The following FGD6 variants were observed in gnomAD, a reference collection of about 807,000 sequenced individuals.
FGD6 encodes FYVE, RhoGEF and PH domain-containing protein 6.
In FGD6, 90 loss-of-function variants were observed where a neutral mutation model predicts 149.4. The ratio of observed to expected loss-of-function variants is 0.60; its 90% confidence interval spans 0.51 to 0.72. FGD6 has a LOEUF of 0.72. Ranked by LOEUF, FGD6 falls within the 30% of genes least tolerant of loss-of-function variation. The probability of loss-of-function intolerance (pLI) is 0.00; values close to 1 mark genes in which losing one functional copy is unlikely to be tolerated. For synonymous variants in FGD6, 527 were observed against 584.0 expected, an observed-to-expected ratio of 0.90 and a Z score of 1.41; for missense variants, 1,437 against 1,684.8, an observed-to-expected ratio of 0.85 and a Z score of 2.57.
intron 8 of FGD6, among the ~76,000 whole-genome samples, chr12:95,129,992 G>C (rs1446082919): frequency 6.6e-6 from 1 of 151,976 alleles, no homozygotes; most frequent in Non-Finnish European, 1.5e-5. Context: ...TAAATATTTA[G>C]GCTTAAATTA....
chr12:95,152,508 T>C (rs1019643645), intron 5 of FGD6, among the ~76,000 whole-genome samples: 1 of 152,176 alleles, frequency 6.6e-6, no homozygotes, highest in Non-Finnish European at 1.5e-5. Context: ...AAAAACACTT[T>C]TGGACAATGA....
intron 1 of FGD6, among the ~76,000 whole-genome samples, chr12:95,216,888 T>G (rs1465411296): frequency 6.6e-6 from 1 of 152,162 alleles, no homozygotes; most frequent in Non-Finnish European, 1.5e-5. Context: ...AACTTGGGAA[T>G]CTACACTATT....
chr12:95,174,892 A>G (rs1267425399), intron 2 of FGD6, among the ~76,000 whole-genome samples: 1 of 133,030 alleles, frequency 7.5e-6, no homozygotes, highest in Non-Finnish European at 1.5e-5. Context: ...GCACCACTGC[A>G]CTCCAGCCTG....
intron 5 of FGD6, among the ~76,000 whole-genome samples, chr12:95,145,609 G>A (rs554259617): frequency 1.3e-5 from 2 of 152,142 alleles, no homozygotes; most frequent in East Asian, 1.9e-4. Flanking sequence ...CCACTTGCCC[G>A]TAATATATTT....
intron 14 of FGD6, among the ~76,000 whole-genome samples, chr12:95,101,388 T>C (rs938984208): frequency 2.0e-5 from 3 of 152,038 alleles, no homozygotes; most frequent in African/African-American, 7.2e-5. Context: ...TCAGAGCTGT[T>C]CATTACACCT....
Position 95,158,328 on chromosome 12 carries a change from C to T in FGD6, c.2587-5335G>A, listed in dbSNP as rs557203175. Among the ~76,000 whole-genome samples, 243 of 150,580 alleles carry T rather than the reference C, an allele frequency of 1.6e-3. 1 individual carries two copies. Among genetic ancestry groups the T allele is most frequent in the Non-Finnish European group, 2.5e-3 (172 of 67,768 alleles). On this transcript the variant is annotated intron_variant, in intron 3 of 20. Coordinates refer to ENST00000343958, the MANE Select transcript of FGD6 (RefSeq NM_018351.4). ...GACTACAGGTGTGTGCCACCATGCA[C>T]GGCTAATTTTTTTTTTTTTTGTATT...
Position 95,209,961 on chromosome 12 carries a change from G to T in FGD6, c.1323C>A (p.Asp441Glu), listed in dbSNP as rs140384705. Residue 441 changes from aspartate (D) to glutamate (E), a missense_variant, in exon 2 of 21, where the codon GAC (aspartate) becomes GAA (glutamate). Physicochemically the swap from Asp to Glu is conservative, Grantham distance 45. Coordinates refer to ENST00000343958, the MANE Select transcript of FGD6 (RefSeq NM_018351.4). ...VDGSSMSLAV[D>E]EGTGFIRCTV... ...TACATCTTATAAAACCGGTCCCTTC[G>T]TCCACAGCAAGCGACATACTAGAAC... The T allele has an allele frequency of 6.2e-7, 1 of 1,611,746 alleles. No homozygotes were observed. Among genetic ancestry groups the T allele is most frequent in the African/African-American group, 1.3e-5 (1 of 74,720 alleles).
chr12:95,212,006 T>C (rs1592880992), intron 1 of FGD6, among the ~76,000 whole-genome samples: 1 of 152,178 alleles, frequency 6.6e-6, no homozygotes, highest in South Asian at 2.1e-4. Context: ...TCTACCTCGA[T>C]AGATAGAACC....
intron 14 of FGD6, among the ~76,000 whole-genome samples, chr12:95,104,506 C>T (rs1306444017): frequency 6.6e-6 from 1 of 151,616 alleles, no homozygotes; most frequent in Admixed American, 6.6e-5. Flanking sequence ...GTGGGATCTT[C>T]GCTCACTGCA....
chr12:95,217,011 T>C (rs935677318), intron 1 of FGD6, among the ~76,000 whole-genome samples: 1 of 152,144 alleles, frequency 6.6e-6, no homozygotes, highest in Non-Finnish European at 1.5e-5. Context: ...GGAAGGGAGA[T>C]CCCGAGAAAT....
intron 3 of FGD6, among the ~76,000 whole-genome samples, chr12:95,161,561 C>T (rs1209938291): frequency 6.6e-6 from 1 of 152,170 alleles, no homozygotes; most frequent in Non-Finnish European, 1.5e-5. Flanking sequence ...ATCTATGCTC[C>T]AGGCTTGTAG....
At chr12:95,203,534 C>T (rs2056674023) in intron 2 of FGD6, among the ~76,000 whole-genome samples, 1 of 152,150 alleles carries the variant, frequency 6.6e-6, no homozygotes, top group Admixed American at 6.5e-5. Context: ...CTTTAATACC[C>T]TATTCAGGGT....
At position 95,183,031 on chromosome 12, in the gene FGD6, C is replaced by T. The variant is rs748797205; in HGVS notation, c.2442-10287G>A. Among the ~76,000 whole-genome samples, 3 of 152,254 alleles carry T rather than the reference C, an allele frequency of 2.0e-5. 1 individual carries two copies. The highest frequency in any genetic ancestry group is 4.1e-4 in the South Asian group (2 of 4,832). ...AATATGACTACTCCGCCTGGCCACGCTATGCTCTTGATTGTGAGTCAGCAC... is the reference window on the plus strand; with the variant it reads ...AATATGACTACTCCGCCTGGCCACGTTATGCTCTTGATTGTGAGTCAGCAC... On this transcript the variant is annotated intron_variant, in intron 2 of 20. Coordinates refer to ENST00000343958, the MANE Select transcript of FGD6 (RefSeq NM_018351.4).
rs1877983584 is a variant in FGD6, at chr12:95,089,570, T to G, written c.3977A>C (p.Glu1326Ala). The change falls in exon 18 of 21, where the codon GAA (glutamate) becomes GCA (alanine). Residue 1326 changes from glutamate (E) to alanine (A), a missense_variant and splice_region_variant. This residue lies in a region of FGD6 where 382 missense variants were observed against 538.7 expected (regional missense o/e 0.71). Transcript: ENST00000343958. ...TGCAAATTTAATGGAAACACTTACT[T>G]CTTTGAGAGCAGCTGGGATTTTTTT... ...KQKKIPAALK[E>A]VSANTEDSSM... is the part of the protein sequence containing the mutation. 6.2e-7 allele frequency: 1 copy of G among 1,613,334 alleles called. No individual in the cohort carries two copies. Among genetic ancestry groups the G allele is most frequent in the Admixed American group, 1.7e-5 (1 of 59,952 alleles).
At chr12:95,146,223 C>G (rs1320088352) in intron 5 of FGD6, among the ~76,000 whole-genome samples, 1 of 152,190 alleles carries the variant, frequency 6.6e-6, no homozygotes, top group Non-Finnish European at 1.5e-5. Context: ...CTCAGCTCTT[C>G]ACGAACCTCA....
rs1321245064 is a variant in FGD6 at position 95,209,351 on chromosome 12, G to T, written c.1933C>A (p.Gln645Lys). The T allele has an allele frequency of 1.2e-5, 20 of 1,612,630 alleles. No individual in the cohort carries two copies. In the Admixed American group the frequency reaches 3.3e-4, roughly 27 times the overall value. The change falls in exon 2 of 21, where the codon CAA becomes AAA. Residue 645 changes from glutamine (Q) to lysine (K), a missense_variant. Transcript: ENST00000343958. The stretch of plus-strand genomic sequence containing the variant: ...TGGCTACTCTTGGACCAAAATTTTT[G>T]AAAGTCACTCTTCATGAAACAGATG... ...LSICFMKSDF[Q>K]KFWSKSSQLG...
chr12:95,084,392 T>C, intron 20 of FGD6, 106 bp downstream of exon 20: 1 of 887,950 alleles, frequency 1.1e-6, no homozygotes, highest in Non-Finnish European at 1.6e-6. Flanking sequence ...AAATCTCTGA[T>C]GTAAATTTTG....
At chr12:95,114,492 A>G (rs10859832) in intron 8 of FGD6, among the ~76,000 whole-genome samples, 2,743 of 26,616 alleles carry the variant, frequency 0.1, 114 homozygotes, top group African/African-American at 0.18. Context: ...ACACACACAC[A>G]CGTCAGACGT....
intron 2 of FGD6, among the ~76,000 whole-genome samples, chr12:95,198,112 G>A (rs1881776339): frequency 6.6e-6 from 1 of 152,112 alleles, no homozygotes; most frequent in Non-Finnish European, 1.5e-5. Context: ...TTGGGTAGAA[G>A]ATTCACAGAC....
Sources: gnomAD v4.1 joint callset for allele counts (sites outside exome capture counted in the v4.1 genomes callset) on GRCh38, gnomAD v4.1.1 for gene constraint, gnomAD v4.1.1 regional missense constraint, MANE v1.5 for transcripts, NCBI Gene and HGNC (gene_info 2026-07-23, HGNC 2026-07-21) for gene names.